The following KLHL3 variants were observed in gnomAD, a reference collection of about 807,000 sequenced individuals.
The protein encoded by KLHL3 is kelch like family member 3.
Under a neutral mutation model 70.5 loss-of-function variants are expected in KLHL3, and 19 were observed. The ratio of observed to expected loss-of-function variants is 0.27; its 90% CI spans 0.19 to 0.40. The LOEUF (loss-of-function observed/expected upper bound fraction) is 0.40. Among genes scored for constraint, KLHL3 ranks in the 10% least tolerant of loss-of-function variants. The pLI is 1.00. For synonymous variants in KLHL3, 258 were observed against 290.3 expected (o/e 0.89, Z 1.13); for missense variants, 512 against 771.1 (o/e 0.66, Z 3.98).
In KLHL3 at chr5:137,619,112, A is replaced by G. The variant is rs1456869322; in HGVS notation, c.*2986T>C. The G allele has an allele frequency of 2.6e-5, 4 of 152,686 alleles. No individual in the cohort carries two copies. Among genetic ancestry groups the G allele is most frequent in the African/African-American group, 9.6e-5 (4 of 41,466 alleles). The allele number at this position is 152,686 out of a possible 1,614,324, so 9.5% of individuals were successfully genotyped here. A position where few individuals can be genotyped will look rare whatever the true frequency, so the allele number is the denominator to read the frequency against. ...ACGTTAAAATTTTAGCCTAAAAGCT[A>G]TAGCTTCAATTTTATAAAAAGGCAA... On this transcript the variant is annotated 3_prime_UTR_variant, in exon 15 of 15. Coordinates refer to ENST00000309755, the MANE Select transcript of KLHL3 (RefSeq NM_017415.3).
At chr5:137,643,298 G>T (rs1750963395) in intron 8 of KLHL3, among the ~76,000 whole-genome samples, 1 of 150,754 alleles carries the variant, frequency 6.6e-6, no homozygotes, top group African/African-American at 2.4e-5. Context: ...GCTGCAGTGA[G>T]TTGTGATTGC....
At chr5:137,721,040 C>T (rs2149935500) in intron 1 of KLHL3, 2 of 189,126 alleles carry the variant, frequency 1.1e-5, no homozygotes, top group Non-Finnish European at 9.9e-6. Flanking sequence ...AGGAGAATGC[C>T]AAGTAAACAT....
chr5:137,698,021 T>C (rs151313161), intron 4 of KLHL3, among the ~76,000 whole-genome samples: 166 of 152,330 alleles, frequency 1.1e-3, no homozygotes, highest in African/African-American at 3.3e-3. Flanking sequence ...TTAAAGATCT[T>C]CTACTCCCGG....
intron 4 of KLHL3, among the ~76,000 whole-genome samples, chr5:137,693,529 C>G (rs974288106): frequency 6.6e-6 from 1 of 152,020 alleles, no homozygotes. Context: ...GACAAAAGGC[C>G]AAAGTCCTGT....
At position 137,621,096 on chromosome 5, in the gene KLHL3, G is replaced by T. The variant is rs1750282011; in HGVS notation, c.*1002C>A. 6.6e-6 allele frequency: 1 copy of T among 152,604 alleles called. No individual in the cohort carries two copies. The highest frequency in any genetic ancestry group is 2.4e-5 in the African/African-American group (1 of 41,434). The allele number at this position is 152,604 out of a possible 1,614,324, so 9.5% of individuals were successfully genotyped here. Reference sequence around the variant, plus strand: ...ACACTTCTGAGTAAAATGGGGTGCTGTGAATAATTAAACTGGGATAATAAG... The same window carrying T: ...ACACTTCTGAGTAAAATGGGGTGCTTTGAATAATTAAACTGGGATAATAAG... On this transcript the variant is annotated 3_prime_UTR_variant, in exon 15 of 15. Coordinates refer to ENST00000309755, the MANE Select transcript of KLHL3 (RefSeq NM_017415.3).
chr5:137,691,839 C>T (rs1171676129), intron 5 of KLHL3, among the ~76,000 whole-genome samples: 1 of 151,604 alleles, frequency 6.6e-6, no homozygotes, highest in Non-Finnish European at 1.5e-5. Flanking sequence ...AGGATAGTCT[C>T]GATCTCCTGA....
intron 13 of KLHL3, chr5:137,627,910 G>C (rs979200678): frequency 4.9e-5 from 9 of 184,066 alleles, no homozygotes; most frequent in African/African-American, 2.1e-4. Flanking sequence ...CACTGGCAAA[G>C]AAAAGATAGA....
At chr5:137,648,173 A>G (rs1400801503) in intron 8 of KLHL3, among the ~76,000 whole-genome samples, 3 of 152,222 alleles carry the variant, frequency 2.0e-5, no homozygotes, top group African/African-American at 4.8e-5. Flanking sequence ...AGGGGTGATT[A>G]TGGGGCTTTT....
At chr5:137,706,375 T>C (rs1370707724) in intron 3 of KLHL3, 3 of 985,142 alleles carry the variant, frequency 3.0e-6, no homozygotes, top group Non-Finnish European at 1.2e-6. Flanking sequence ...TTACTGGAGA[T>C]TTTTAGTATC....
intron 12 of KLHL3, chr5:137,629,639 A>C (rs1007303110): frequency 6.6e-6 from 1 of 152,218 alleles, no homozygotes; most frequent in Non-Finnish European, 1.5e-5. Flanking sequence ...TTCTCAAGAG[A>C]TATTGCTTGA....
In KLHL3 at chr5:137,735,865, C is replaced by T; in HGVS notation, c.-219G>A. On this transcript the variant is annotated 5_prime_UTR_variant, in exon 1 of 15. Coordinates refer to ENST00000309755, the MANE Select transcript of KLHL3 (RefSeq NM_017415.3). Reference sequence around the variant, plus strand: ...AGCAGCAGCAACAGAAAATGTCTTACCCAGAGCTCCCTGCAGCCCTTTCAG... The same window carrying T: ...AGCAGCAGCAACAGAAAATGTCTTATCCAGAGCTCCCTGCAGCCCTTTCAG... 3 of 632,602 alleles carry T rather than the reference C, an allele frequency of 4.7e-6. No homozygotes were observed. The highest frequency in any genetic ancestry group is 8.6e-6 in the Non-Finnish European group (3 of 350,144). 39.2% of individuals were successfully genotyped at this position (632,602 alleles called of 1,614,324 possible).
chr5:137,703,321 A>G (rs985614800), intron 3 of KLHL3, among the ~76,000 whole-genome samples: 1 of 152,212 alleles, frequency 6.6e-6, no homozygotes, highest in African/African-American at 2.4e-5. Flanking sequence ...CATGGGCACT[A>G]AGATGGTTAT....
intron 3 of KLHL3, among the ~76,000 whole-genome samples, chr5:137,706,780 G>A (rs1484449263): frequency 1.3e-5 from 2 of 152,150 alleles, no homozygotes; most frequent in African/African-American, 4.8e-5. Context: ...ATATTGCTAA[G>A]CTCAATTAAA....
At chr5:137,625,690 A>C in intron 14 of KLHL3, 63 bp downstream of exon 14, 1 of 1,595,532 alleles carries the variant, frequency 6.3e-7, no homozygotes, top group Non-Finnish European at 8.6e-7. Flanking sequence ...TGGCCCACCC[A>C]ACCCTCATTC....
At chr5:137,702,532 T>A (rs1752591824) in intron 3 of KLHL3, among the ~76,000 whole-genome samples, 2 of 152,200 alleles carry the variant, frequency 1.3e-5, no homozygotes, top group African/African-American at 4.8e-5. Flanking sequence ...CTGGACCATT[T>A]GAGGGACTTA....
intron 14 of KLHL3, among the ~76,000 whole-genome samples, chr5:137,624,926 G>C (rs1449730449): frequency 1.3e-5 from 2 of 152,214 alleles, no homozygotes; most frequent in Admixed American, 1.3e-4. Flanking sequence ...ACACCCGCCT[G>C]GTGCCTTACT....
At chr5:137,657,661 A>C (rs536018793) in intron 8 of KLHL3, among the ~76,000 whole-genome samples, 1 of 152,208 alleles carries the variant, frequency 6.6e-6, no homozygotes, top group African/African-American at 2.4e-5. Flanking sequence ...CCCTTTTCTT[A>C]GAACCCCTTT....
chr5:137,686,894 G>T lies in KLHL3; in HGVS notation c.526+5391C>A, dbSNP rs1441932653. Among the ~76,000 whole-genome samples the T allele has an allele frequency of 8.2e-4, 7 of 8,524 alleles. 3 individuals carry two copies. Among genetic ancestry groups the T allele is most frequent in the Admixed American group, 6.1e-3 (5 of 822 alleles). 5.6% of individuals were successfully genotyped at this position (8,524 alleles called of 152,430 possible). On this transcript the variant is annotated intron_variant, in intron 5 of 14. Transcript: ENST00000309755. ...CTTTAAAAATATTACCTCCCTGAGGGGCGCCTCTGCCCGGCCGCCCCTACT... is the reference window on the plus strand; with the variant it reads ...CTTTAAAAATATTACCTCCCTGAGGTGCGCCTCTGCCCGGCCGCCCCTACT...
chr5:137,701,187 C>A (rs1035772615), intron 3 of KLHL3, among the ~76,000 whole-genome samples: 1 of 152,126 alleles, frequency 6.6e-6, no homozygotes, highest in African/African-American at 2.4e-5. Context: ...CATGCGCCAG[C>A]ATGCCTGGCT....
Sources: allele counts gnomAD v4.1 joint callset (sites outside exome capture counted in the v4.1 genomes callset), GRCh38; gene constraint gnomAD v4.1.1; transcripts MANE v1.5; gene names NCBI Gene and HGNC (gene_info 2026-07-23, HGNC 2026-07-21).